Variants in LRRC4C observed in about 807,000 individuals in gnomAD.
The protein encoded by LRRC4C is leucine-rich repeat-containing protein 4C.
A neutral mutation model predicts 33.6 loss-of-function variants in LRRC4C; 5 were observed. The ratio of observed to expected loss-of-function variants is 0.15; its 90% confidence interval spans 0.08 to 0.31. LRRC4C has a LOEUF of 0.31. Among genes scored for constraint, LRRC4C ranks in the 10% least tolerant of loss-of-function variants. The pLI is 1.00. For synonymous variants in LRRC4C, 329 were observed against 302.0 expected (o/e 1.09, Z -0.93); for missense variants, 560 against 796.7 (o/e 0.70, Z 3.58).
intron 1 of LRRC4C, among the ~76,000 whole-genome samples, chr11:41,000,783 A>G (rs1418531100): frequency 6.6e-6 from 1 of 152,178 alleles, no homozygotes; most frequent in Non-Finnish European, 1.5e-5. Flanking sequence ...ATTATATTTA[A>G]AATGGACAGT....
chr11:40,681,442 T>C (rs1048461552), intron 2 of LRRC4C, among the ~76,000 whole-genome samples: 1 of 152,204 alleles, frequency 6.6e-6, no homozygotes, highest in Non-Finnish European at 1.5e-5. Context: ...GCAAATGTAA[T>C]AGGGTGCTTA....
At chr11:40,118,807 T>C (rs1855621345) in intron 6 of LRRC4C, among the ~76,000 whole-genome samples, 1 of 152,294 alleles carries the variant, frequency 6.6e-6, no homozygotes, top group Non-Finnish European at 1.5e-5. Flanking sequence ...CCCAATTTTA[T>C]AGTGCAGGCA....
intron 5 of LRRC4C, among the ~76,000 whole-genome samples, chr11:40,175,636 C>T (rs976987876): frequency 9.2e-5 from 14 of 152,126 alleles, no homozygotes; most frequent in Non-Finnish European, 1.9e-4. Context: ...GCTTCAGACA[C>T]ACTATATGCA....
intron 2 of LRRC4C, among the ~76,000 whole-genome samples, chr11:40,661,824 T>C (rs749772256): frequency 3.6e-4 from 55 of 152,214 alleles, no homozygotes; most frequent in Non-Finnish European, 7.5e-4. Flanking sequence ...TGATTCTTTA[T>C]AGTCTATGTG....
At chr11:40,326,383 G>A (rs1009834234) in intron 3 of LRRC4C, among the ~76,000 whole-genome samples, 2 of 152,010 alleles carry the variant, frequency 1.3e-5, no homozygotes, top group Non-Finnish European at 2.9e-5. Context: ...ACATGATGGT[G>A]AAACCCAGTC....
intron 1 of LRRC4C, among the ~76,000 whole-genome samples, chr11:41,077,887 AAT>A (rs1344423405): frequency 2.0e-5 from 3 of 152,238 alleles, no homozygotes; most frequent in Non-Finnish European, 4.4e-5. Flanking sequence ...TTTGTGAACA[AAT>A]ATGACTGTAC....
chr11:40,402,400 T>A (rs1949794293), intron 3 of LRRC4C, among the ~76,000 whole-genome samples: 2 of 152,148 alleles, frequency 1.3e-5, no homozygotes, highest in Non-Finnish European at 2.9e-5. Flanking sequence ...GCTGGGCAGA[T>A]ATATTTTATT....
chr11:41,372,030 A>G (rs1356753966), intron 1 of LRRC4C, among the ~76,000 whole-genome samples: 7 of 152,174 alleles, frequency 4.6e-5, no homozygotes, highest in Non-Finnish European at 7.4e-5. Flanking sequence ...CCAGCTACTC[A>G]GGAGGCTGAG....
chr11:40,636,339 T>A (rs1941750022), intron 3 of LRRC4C, among the ~76,000 whole-genome samples: 1 of 152,088 alleles, frequency 6.6e-6, no homozygotes. Flanking sequence ...GGTTTATGGG[T>A]AAGGGAGATC....
intron 3 of LRRC4C, among the ~76,000 whole-genome samples, chr11:40,609,363 G>A (rs1425135545): frequency 6.6e-6 from 1 of 151,818 alleles, no homozygotes; most frequent in African/African-American, 2.4e-5. Context: ...AAGACTTTGA[G>A]ACAAATAGAA....
rs1477715664 is a variant in LRRC4C at position 40,549,118 on chromosome 11, T to C, written c.-270+99024A>G. On this transcript the variant is annotated intron_variant, in intron 3 of 6. Transcript: ENST00000528697. ...ACAGGAATTCAGAAGCTAAGAAGTA[T>C]ATTGCATGTACATTGAGTGAACATC... Among the ~76,000 whole-genome samples the C allele has an allele frequency of 3.9e-5, 6 of 152,210 alleles. No individual in the cohort carries two copies. In the East Asian group the frequency reaches 5.8e-4, roughly 15 times the overall value.
chr11:40,898,367 A>AAAAAAG (rs1554991248), intron 2 of LRRC4C, among the ~76,000 whole-genome samples: 1 of 44,536 alleles, frequency 2.2e-5, no homozygotes, highest in Non-Finnish European at 1.2e-4. Context: ...AAAAAAAAAA[A>AAAAAAG]AAAAAGAAAA....
intron 1 of LRRC4C, among the ~76,000 whole-genome samples, chr11:41,294,356 T>C (rs1418568968): frequency 6.6e-6 from 1 of 152,220 alleles, no homozygotes; most frequent in Admixed American, 6.5e-5. Context: ...CTTGGGGCTC[T>C]CACTTACTTA....
intron 3 of LRRC4C, among the ~76,000 whole-genome samples, chr11:40,510,120 C>T (rs1419624147): frequency 6.6e-6 from 1 of 151,424 alleles, no homozygotes; most frequent in Non-Finnish European, 1.5e-5. Context: ...ATGACAAAAG[C>T]TCGAAATAAG....
intron 3 of LRRC4C, among the ~76,000 whole-genome samples, chr11:40,456,680 T>C (rs1345429226): frequency 6.6e-6 from 1 of 152,040 alleles, no homozygotes; most frequent in African/African-American, 2.4e-5. Flanking sequence ...CAGTGTCCAA[T>C]AGCATCAGCA....
chr11:40,577,900 A>G (rs1011933918), intron 3 of LRRC4C, among the ~76,000 whole-genome samples: 1 of 131,338 alleles, frequency 7.6e-6, no homozygotes, highest in Non-Finnish European at 1.5e-5. Flanking sequence ...CAGTGGTGCG[A>G]TCTTGGCTCA....
chr11:41,162,667 A>T (rs1944525690), intron 1 of LRRC4C, among the ~76,000 whole-genome samples: 1 of 152,194 alleles, frequency 6.6e-6, no homozygotes, highest in East Asian at 1.9e-4. Flanking sequence ...GTAATCATAA[A>T]AGGTACAGTA....
intron 2 of LRRC4C, among the ~76,000 whole-genome samples, chr11:40,886,893 G>A (rs541900033): frequency 6.6e-6 from 1 of 150,970 alleles, no homozygotes; most frequent in Admixed American, 6.6e-5. Flanking sequence ...ATGTGTGTGT[G>A]TGTGTGTGTA....
chr11:40,762,852 G>T (rs1390176131), intron 2 of LRRC4C, among the ~76,000 whole-genome samples: 1 of 151,586 alleles, frequency 6.6e-6, no homozygotes, highest in Non-Finnish European at 1.5e-5. Flanking sequence ...AAACTCTTTC[G>T]AGATTTACTA....
Sources: allele counts gnomAD v4.1 joint callset (sites outside exome capture counted in the v4.1 genomes callset), GRCh38; gene constraint gnomAD v4.1.1; transcripts MANE v1.5; gene names NCBI Gene and HGNC (gene_info 2026-07-23, HGNC 2026-07-21).